The following ERICH1 variants were observed in gnomAD, a reference collection of about 807,000 sequenced individuals.
ERICH1 encodes the protein glutamate rich 1, also known as glutamate-rich protein 1.
Under a neutral mutation model 39.6 loss-of-function variants are expected in ERICH1, and 56 were observed. The ratio of observed to expected loss-of-function variants is 1.41; its 90% CI spans 1.14 to 1.77. The LOEUF (loss-of-function observed/expected upper bound fraction) is 1.77. Among genes scored for constraint, ERICH1 ranks in the 40% most tolerant of loss-of-function variants. The pLI, the probability that ERICH1 is intolerant of heterozygous loss-of-function variation, is 0.00. For synonymous variants in ERICH1, 313 were observed against 223.6 expected (o/e 1.40, Z -3.57); for missense variants, 826 against 575.4 (o/e 1.44, Z -4.45).
At chr8:681,493 A>G (rs1052162659) in intron 3 of ERICH1, among the ~76,000 whole-genome samples, 3 of 152,352 alleles carry the variant, frequency 2.0e-5, no homozygotes, top group Non-Finnish European at 4.4e-5. Context: ...TGGGGATTGG[A>G]GTCTCATACA....
At chr8:687,641 C>G (rs995670261) in intron 3 of ERICH1, among the ~76,000 whole-genome samples, 1 of 152,152 alleles carries the variant, frequency 6.6e-6, no homozygotes, top group African/African-American at 2.4e-5. Flanking sequence ...GAAGGCAGCG[C>G]GCGGGGAGCG....
chr8:698,870 G>A (rs733931), intron 2 of ERICH1, among the ~76,000 whole-genome samples: 39,108 of 151,028 alleles, frequency 0.26, 5,354 homozygotes, highest in Non-Finnish European at 0.3. Context: ...AGGATGCCAC[G>A]AAGTAGCATC....
chr8:697,447 A>G (rs1810585141), intron 2 of ERICH1, among the ~76,000 whole-genome samples: 1 of 152,020 alleles, frequency 6.6e-6, no homozygotes, highest in Admixed American at 6.6e-5. Context: ...GCATGCCCAC[A>G]CCTCAGGGGT....
At chr8:698,899 GTT>G (rs4045087) in intron 2 of ERICH1, among the ~76,000 whole-genome samples, 243 of 140,332 alleles carry the variant, frequency 1.7e-3, no homozygotes, top group Admixed American at 2.1e-3. Context: ...GTCTCTGTGA[GTT>G]TTTTTTTTTT....
intron 3 of ERICH1, among the ~76,000 whole-genome samples, chr8:677,631 G>C (rs1805156922): frequency 6.6e-6 from 1 of 152,196 alleles, no homozygotes; most frequent in African/African-American, 2.4e-5. Context: ...TGAACACACT[G>C]ATGTTTAAAA....
intron 4 of ERICH1, 54 bp from the exon 5 acceptor site, chr8:668,846 C>T: frequency 6.7e-7 from 1 of 1,496,074 alleles, no homozygotes; most frequent in Non-Finnish European, 9.0e-7. Flanking sequence ...TTTCTATAAA[C>T]TAAAGATAAG....
downstream of ERICH1, among the ~76,000 whole-genome samples, chr8:660,480 C>T (rs147188359): frequency 1.7e-3 from 260 of 152,274 alleles, no homozygotes; most frequent in Non-Finnish European, 3.4e-3. Context: ...AGCAAGGACA[C>T]GGAGCCTCTG....
At chr8:688,518 T>A (rs1023803162) in intron 3 of ERICH1, among the ~76,000 whole-genome samples, 16 of 152,068 alleles carry the variant, frequency 1.1e-4, no homozygotes, top group African/African-American at 3.9e-4. Flanking sequence ...CCTGGCGCTC[T>A]TCCCTTTCTT....
At chr8:699,884 TCCGCACACGCGCACAGAC>T (rs1321127513) in intron 2 of ERICH1, among the ~76,000 whole-genome samples, 2 of 15,556 alleles carry the variant, frequency 1.3e-4, no homozygotes, top group Non-Finnish European at 2.5e-4. Flanking sequence ...GGCGCACAGA[TCCGCACACGCGCACAGAC>T]CCGCACAGGC....
At chr8:709,047 G>T (rs970285346) in intron 2 of ERICH1, among the ~76,000 whole-genome samples, 3 of 152,064 alleles carry the variant, frequency 2.0e-5, no homozygotes, top group Admixed American at 6.6e-5. Flanking sequence ...GGTGGTAATG[G>T]AATGGTTGTA....
At chr8:729,372 C>G (rs548751470) in intron 1 of ERICH1, among the ~76,000 whole-genome samples, 3 of 152,306 alleles carry the variant, frequency 2.0e-5, no homozygotes, top group African/African-American at 7.2e-5. Context: ...CAAGGGGACA[C>G]GCCAAGCTCC....
At chr8:713,175 C>T (rs1297975582) in intron 2 of ERICH1, among the ~76,000 whole-genome samples, 1 of 152,254 alleles carries the variant, frequency 6.6e-6, no homozygotes, top group South Asian at 2.1e-4. Flanking sequence ...AGGGTGCACC[C>T]TGACGACTTC....
At chr8:676,217 CG>C (rs1804705717) in intron 3 of ERICH1, among the ~76,000 whole-genome samples, 1 of 22,986 alleles carries the variant, frequency 4.4e-5, no homozygotes, top group Non-Finnish European at 1.1e-4. Flanking sequence ...AGAGACGCGG[CG>C]GCCCCTCGGC....
intron 3 of ERICH1, among the ~76,000 whole-genome samples, chr8:619,249 C>T (rs1484223470): frequency 6.6e-6 from 1 of 152,186 alleles, no homozygotes; most frequent in Non-Finnish European, 1.5e-5. Flanking sequence ...ACAGAAAGGG[C>T]ACGTGACCCA....
At chr8:731,084 C>G (rs1819886450) in intron 1 of ERICH1, 56 bp downstream of exon 1, 8 of 1,406,896 alleles carry the variant, frequency 5.7e-6, no homozygotes, top group Non-Finnish European at 7.4e-6. Flanking sequence ...ACACCGCGGT[C>G]TGAGCCGAGA....
intron 3 of ERICH1, among the ~76,000 whole-genome samples, chr8:685,364 A>T (rs1807087808): frequency 6.6e-6 from 1 of 152,152 alleles, no homozygotes; most frequent in African/African-American, 2.4e-5. Flanking sequence ...TTCTTTTGTC[A>T]AGATGCCCAG....
intron 3 of ERICH1, chr8:616,430 C>G: frequency 4.6e-6 from 2 of 433,448 alleles, no homozygotes; most frequent in South Asian, 3.3e-5. Flanking sequence ...ACCCCGCACA[C>G]CCCATGCTCT....
At chr8:703,975 G>C (rs1812722474) in intron 2 of ERICH1, among the ~76,000 whole-genome samples, 1 of 152,136 alleles carries the variant, frequency 6.6e-6, no homozygotes, top group Non-Finnish European at 1.5e-5. Flanking sequence ...CCCACATGAA[G>C]GCCAGAAGCA....
intron 2 of ERICH1, among the ~76,000 whole-genome samples, chr8:699,820 A>ACACACCCTCACAG (rs1563295682): frequency 1.7e-5 from 1 of 59,008 alleles, no homozygotes; most frequent in African/African-American, 6.9e-5. Context: ...GATCCGCACA[A>ACACACCCTCACAG]GCGCACAGAC....
Sources: gnomAD v4.1 joint callset for allele counts (sites outside exome capture counted in the v4.1 genomes callset) on GRCh38, gnomAD v4.1.1 for gene constraint, MANE v1.5 for transcripts, NCBI Gene and HGNC (gene_info 2026-07-23, HGNC 2026-07-21) for gene names.